APBA1: variants seen among roughly 807,000 people sequenced by gnomAD.
APBA1 encodes the protein amyloid beta precursor protein binding family A member 1.
APBA1 carries 55 observed loss-of-function variants against 86.6 expected under a neutral mutation model. The observed-to-expected ratio is 0.64, with a 90% CI of 0.51 to 0.80. The LOEUF is 0.80. APBA1 is among the 30% of genes least tolerant of loss of function. APBA1 has a pLI of 0.00. For synonymous variants in APBA1, 511 were observed against 493.9 expected, an observed-to-expected ratio of 1.03 and a Z score of -0.46; for missense variants, 1,090 against 1,183.0, an observed-to-expected ratio of 0.92 and a Z score of 1.15.
chr9:69,499,769 C>A (rs149418949), intron 2 of APBA1, among the ~76,000 whole-genome samples: 2,243 of 151,576 alleles, frequency 0.015, 35 homozygotes, highest in Non-Finnish European at 0.024. Context: ...AGCTCCTACA[C>A]CCTCACTGCA....
At chr9:69,504,994 A>C (rs780823439) in intron 2 of APBA1, among the ~76,000 whole-genome samples, 1 of 151,942 alleles carries the variant, frequency 6.6e-6, no homozygotes, top group Non-Finnish European at 1.5e-5. Flanking sequence ...TGTGTCTCTA[A>C]TTCTTGGGCC....
Position 69,517,092 on chromosome 9 carries a change from T to A in APBA1, c.119A>T (p.Gln40Leu). 1 of 1,579,656 alleles carries A rather than the reference T, an allele frequency of 6.3e-7. No homozygotes were observed. Among genetic ancestry groups the A allele is most frequent in the Non-Finnish European group, 8.6e-7 (1 of 1,167,750 alleles). The change falls in exon 2 of 13, where the codon CAG becomes CTG. Residue 40 changes from glutamine to leucine, a missense_variant. By Grantham distance (113) the Gln-to-Leu change is moderately radical (BLOSUM62 -2). Around this residue, in one of 6 missense-constraint regions of APBA1, gnomAD observed 678 missense variants for 647.1 expected, o/e 1.05. Coordinates refer to ENST00000265381, the MANE Select transcript of APBA1 (RefSeq NM_001163.4). ...EHPEVEEEQQ[Q>L]PPQQQHYVGR... Reference sequence around the variant, plus strand: ...CACATAGTGCTGCTGCTGCGGCGGCTGCTGCTGTTCCTCTTCCACCTCGGG... The same window carrying A: ...CACATAGTGCTGCTGCTGCGGCGGCAGCTGCTGTTCCTCTTCCACCTCGGG...
intron 1 of APBA1, among the ~76,000 whole-genome samples, chr9:69,600,806 T>TAATAAATAAATAAATA (rs60164245): frequency 6.3e-4 from 90 of 143,726 alleles, no homozygotes; most frequent in African/African-American, 2.3e-3. Flanking sequence ...CAAAAAATAA[T>TAATAAATAAATAAATA]AATAAATAAA....
chr9:69,589,081 A>AAG (rs1822077591), intron 1 of APBA1, among the ~76,000 whole-genome samples: 1 of 152,060 alleles, frequency 6.6e-6, no homozygotes, highest in South Asian at 2.1e-4. Flanking sequence ...CAGCCTCCTG[A>AAG]GTAGCTGGAA....
intron 1 of APBA1, among the ~76,000 whole-genome samples, chr9:69,655,330 A>C (rs1224651658): frequency 6.7e-6 from 1 of 148,718 alleles, no homozygotes; most frequent in Non-Finnish European, 1.5e-5. Context: ...GTATATATAT[A>C]TGTATATTCT....
At position 69,632,257 on chromosome 9, in the gene APBA1, G is replaced by A. The variant is rs1823062722; in HGVS notation, c.-70+39896C>T. Among the ~76,000 whole-genome samples, 4 of 151,992 alleles carry A rather than the reference G, an allele frequency of 2.6e-5. No homozygotes were observed. The South Asian group carries it at 8.3e-4, about 32-fold the overall frequency. On this transcript the variant is annotated intron_variant, in intron 1 of 12. Coordinates refer to ENST00000265381, the MANE Select transcript of APBA1 (RefSeq NM_001163.4). The stretch of plus-strand genomic sequence containing the variant: ...ACCCAAAATTCTTCAGTTGGAAAGA[G>A]ATTTCAAACACATTAAATCTCTTCA...
chr9:69,657,559 T>C (rs1384515839), intron 1 of APBA1, among the ~76,000 whole-genome samples: 1 of 152,218 alleles, frequency 6.6e-6, no homozygotes, highest in East Asian at 1.9e-4. Flanking sequence ...GCTGACATTA[T>C]CCAACTAATG....
chr9:69,582,553 A>G (rs1245209168), intron 1 of APBA1, among the ~76,000 whole-genome samples: 1 of 152,130 alleles, frequency 6.6e-6, no homozygotes, highest in African/African-American at 2.4e-5. Context: ...AGTTTCTTCT[A>G]GCCTGGTACC....
intron 1 of APBA1, among the ~76,000 whole-genome samples, chr9:69,533,800 C>T (rs750686292): frequency 9.9e-5 from 15 of 152,160 alleles, no homozygotes; most frequent in Non-Finnish European, 8.8e-5. Flanking sequence ...GAACTGAAAG[C>T]GTTGGCAAAG....
Position 69,651,478 on chromosome 9 carries a change from AT to A in APBA1, c.-70+20674del, listed in dbSNP as rs564422664. ...AGTAATTTAAATAATGACTGACTGT[AT>A]TTTTTTTTTTCTTGAGACTGAGTTT... On this transcript the variant is annotated intron_variant, in intron 1 of 12. Coordinates refer to ENST00000265381, the MANE Select transcript of APBA1 (RefSeq NM_001163.4). Among the ~76,000 whole-genome samples the A allele has an allele frequency of 8.7e-3, 1,283 of 148,100 alleles. 17 individuals are homozygous for A. Among genetic ancestry groups the A allele is most frequent in the African/African-American group, 0.029 (1,165 of 40,732 alleles).
chr9:69,537,486 G>A (rs1245178455), intron 1 of APBA1, among the ~76,000 whole-genome samples: 1 of 152,008 alleles, frequency 6.6e-6, no homozygotes, highest in African/African-American at 2.4e-5. Context: ...GGAAAAAGAG[G>A]ACCCAGATGG....
rs1285820115 is a variant in APBA1, at chr9:69,472,249, A to T, written c.1297-554T>A. Among the ~76,000 whole-genome samples the T allele has an allele frequency of 2.6e-5, 4 of 152,266 alleles. No homozygotes were observed. The East Asian group carries it at 7.7e-4, about 29-fold the overall frequency. On this transcript the variant is annotated intron_variant, in intron 3 of 12. Transcript: ENST00000265381. ...TGTGTGTTATCTGAATAAGAACACA[A>T]CAAAGGAGTAAATTAAAAACCCTGG...
chr9:69,585,307 G>C (rs774219420), intron 1 of APBA1, among the ~76,000 whole-genome samples: 1 of 152,216 alleles, frequency 6.6e-6, no homozygotes, highest in African/African-American at 2.4e-5. Flanking sequence ...ACAATAATCT[G>C]TAAGGTGAGT....
chr9:69,583,434 T>C (rs1821955487), intron 1 of APBA1, among the ~76,000 whole-genome samples: 1 of 152,122 alleles, frequency 6.6e-6, no homozygotes, highest in Admixed American at 6.5e-5. Context: ...AAATCCTGAG[T>C]GTTCATAGCT....
intron 1 of APBA1, among the ~76,000 whole-genome samples, chr9:69,671,867 C>G (rs1004290360): frequency 1.1e-4 from 16 of 152,198 alleles, no homozygotes; most frequent in Non-Finnish European, 5.9e-5. Context: ...ACACTCACTC[C>G]TGCCATGACT....
intron 3 of APBA1, among the ~76,000 whole-genome samples, chr9:69,474,761 A>G (rs1470780042): frequency 1.3e-5 from 2 of 152,214 alleles, no homozygotes; most frequent in Non-Finnish European, 2.9e-5. Context: ...TTTAATATGA[A>G]CAGATTAATA....
chr9:69,495,028 T>C (rs920059843), intron 2 of APBA1, among the ~76,000 whole-genome samples: 2 of 152,116 alleles, frequency 1.3e-5, no homozygotes, highest in African/African-American at 4.8e-5. Flanking sequence ...ACTCATTTAT[T>C]AGAATGTGGA....
intron 1 of APBA1, among the ~76,000 whole-genome samples, chr9:69,666,278 C>T (rs187382696): frequency 1.5e-4 from 23 of 152,266 alleles, no homozygotes; most frequent in African/African-American, 5.3e-4. Flanking sequence ...TTGATATCCT[C>T]TCTGCCTAGA....
chr9:69,649,495 C>T (rs1823455948), intron 1 of APBA1, among the ~76,000 whole-genome samples: 1 of 152,088 alleles, frequency 6.6e-6, no homozygotes, highest in Admixed American at 6.6e-5. Context: ...CTTCCTGCCA[C>T]ATGCTAGTAC....
Sources: allele counts gnomAD v4.1 joint callset (sites outside exome capture counted in the v4.1 genomes callset), GRCh38; gene constraint gnomAD v4.1.1; regional missense constraint gnomAD v4.1.1; transcripts MANE v1.5; gene names NCBI Gene and HGNC (gene_info 2026-07-23, HGNC 2026-07-21).